The following SCN3A variants were observed in gnomAD, a reference collection of about 807,000 sequenced individuals.
SCN3A encodes sodium channel protein type 3 subunit alpha.
Under a neutral mutation model 187.6 loss-of-function variants are expected in SCN3A, and 60 were observed. The observed-to-expected ratio is 0.32, with a 90% CI of 0.26 to 0.40. SCN3A has a LOEUF of 0.40. Ranked by LOEUF, SCN3A falls within the 10% of genes least tolerant of loss-of-function variation. The probability of loss-of-function intolerance (pLI) is 1.00; values close to 1 mark genes in which losing one functional copy is unlikely to be tolerated. For missense variants in SCN3A, 1,601 were observed against 2,428.2 expected, an observed-to-expected ratio of 0.66 and a Z score of 7.16; for synonymous variants, 788 against 829.2, an observed-to-expected ratio of 0.95 and a Z score of 0.85.
At chr2:165,200,264 A>G (rs562796981) in intron 1 of SCN3A, among the ~76,000 whole-genome samples, 147 of 152,202 alleles carry the variant, frequency 9.7e-4, no homozygotes, top group African/African-American at 3.5e-3. Flanking sequence ...TGGTAAAACA[A>G]CCATTAATAT....
At chr2:165,192,019 G>T (rs116296400) in intron 1 of SCN3A, among the ~76,000 whole-genome samples, 3,201 of 151,700 alleles carry the variant, frequency 0.021, 116 homozygotes, top group African/African-American at 0.073. Context: ...TAATAGCAAT[G>T]TCTAGAAAAA....
At chr2:165,198,244 A>G (rs16850234) in intron 1 of SCN3A, among the ~76,000 whole-genome samples, 7,703 of 152,074 alleles carry the variant, frequency 0.051, 603 homozygotes, top group African/African-American at 0.17. Flanking sequence ...TATTGGGAAG[A>G]AAACTAGAAA....
rs1456975222 is a variant in SCN3A, at chr2:165,141,067, T to G, written c.1672-69A>C. On this transcript the variant is annotated intron_variant, in intron 12 of 27. Coordinates refer to ENST00000283254, the MANE Select transcript of SCN3A (RefSeq NM_006922.4). ...GAAGAACGCAATTATTTAATAAATA[T>G]TAATATTAAAGGATCTGTTTTCTTT... 6 of 973,782 alleles carry G rather than the reference T, an allele frequency of 6.2e-6. No homozygotes were observed. The African/African-American group carries it at 6.6e-5, about 11-fold the overall frequency. 60.3% of individuals were successfully genotyped at this position (973,782 alleles called of 1,614,324 possible).
chr2:165,179,805 T>G (rs889586903), intron 2 of SCN3A: 4 of 152,206 alleles, frequency 2.6e-5, no homozygotes, highest in Non-Finnish European at 5.9e-5. Context: ...AAATCCCTCA[T>G]AGTTCTTTCG....
chr2:165,168,858 G>A (rs200965222), intron 4 of SCN3A, 33 bp from the exon 5 acceptor site: 21 of 1,433,020 alleles, frequency 1.5e-5, no homozygotes, highest in Non-Finnish European at 2.0e-5. Context: ...ATGTTAGTAG[G>A]TTACCATGGC....
intron 10 of SCN3A, 61 bp from the exon 11 acceptor site, chr2:165,154,719 T>C: frequency 6.8e-7 from 1 of 1,462,282 alleles, no homozygotes; most frequent in Non-Finnish European, 9.6e-7. Flanking sequence ...AATAAATATC[T>C]GATTACCACA....
chr2:165,147,291 G>A (rs925440984), intron 11 of SCN3A, among the ~76,000 whole-genome samples: 1 of 138,306 alleles, frequency 7.2e-6, no homozygotes, highest in Non-Finnish European at 1.6e-5. Flanking sequence ...TTTGGGGGGG[G>A]GGGGTTGGTG....
intron 13 of SCN3A, 171 bp from the exon 14 acceptor site, chr2:165,139,779 GTTATCACAGGTAGTACTCTTTAAGAGGAA>G: frequency 1.4e-6 from 1 of 705,480 alleles, no homozygotes; most frequent in Non-Finnish European, 2.3e-6. Context: ...TTAAAAAAAA[GTTATCACAGGTAGTACTCTTTAAGAGGAA>G]TTCACCAGTG....
chr2:165,160,432 T>TG (rs1414604986), intron 9 of SCN3A, among the ~76,000 whole-genome samples: 1 of 152,148 alleles, frequency 6.6e-6, no homozygotes, highest in African/African-American at 2.4e-5. Context: ...CCAAAAAGGC[T>TG]GGGGACTGTT....
intron 2 of SCN3A, among the ~76,000 whole-genome samples, chr2:165,185,895 TATA>T (rs1406828382): frequency 3.6e-4 from 54 of 152,080 alleles, no homozygotes; most frequent in South Asian, 8.3e-4. Flanking sequence ...ACCAAATAAA[TATA>T]ATAAAATTTA....
chr2:165,095,488 G>T, intron 25 of SCN3A, 23 bp downstream of exon 25: 1 of 1,608,354 alleles, frequency 6.2e-7, no homozygotes, highest in South Asian at 1.1e-5. Context: ...AATGAAGAAA[G>T]GTAAAAGCTA....
At chr2:165,110,271 G>A (rs1361286260) in intron 21 of SCN3A, among the ~76,000 whole-genome samples, 2 of 152,072 alleles carry the variant, frequency 1.3e-5, no homozygotes, top group African/African-American at 4.8e-5. Context: ...GTCTTGAATG[G>A]CATATGATCC....
At chr2:165,139,449 T>G (rs775674874) in intron 14 of SCN3A, 27 bp downstream of exon 14, 2 of 1,613,604 alleles carry the variant, frequency 1.2e-6, no homozygotes, top group Non-Finnish European at 1.7e-6. Flanking sequence ...TCACAGAAAG[T>G]TGGCTGTTCC....
At chr2:165,143,816 A>C (rs1688159703) in intron 12 of SCN3A, among the ~76,000 whole-genome samples, 1 of 152,184 alleles carries the variant, frequency 6.6e-6, no homozygotes, top group African/African-American at 2.4e-5. Flanking sequence ...TATAAGACAC[A>C]GTCATGCATG....
chr2:165,125,568 C>T (rs375155642), intron 18 of SCN3A, among the ~76,000 whole-genome samples: 1 of 152,144 alleles, frequency 6.6e-6, no homozygotes, highest in Admixed American at 6.5e-5. Flanking sequence ...CCACTCGCCT[C>T]GGCCTCCCAA....
At chr2:165,197,614 T>G (rs1344413924) in intron 1 of SCN3A, among the ~76,000 whole-genome samples, 44 of 151,630 alleles carry the variant, frequency 2.9e-4, no homozygotes, top group Admixed American at 2.9e-3. Flanking sequence ...GACATTTTTA[T>G]TGGTGAGGTC....
intron 21 of SCN3A, among the ~76,000 whole-genome samples, chr2:165,103,784 A>G (rs1262743225): frequency 6.6e-6 from 1 of 152,208 alleles, no homozygotes. Context: ...TTAAAGTTCA[A>G]CATGAACAAA....
chr2:165,180,194 C>A (rs17241540), intron 2 of SCN3A, among the ~76,000 whole-genome samples: 2 of 151,944 alleles, frequency 1.3e-5, no homozygotes, highest in Non-Finnish European at 2.9e-5. Context: ...GAATAAACTG[C>A]GGAACTCCAA....
chr2:165,114,176 G>T (rs904146412), intron 19 of SCN3A, among the ~76,000 whole-genome samples: 6 of 151,948 alleles, frequency 3.9e-5, no homozygotes, highest in African/African-American at 1.5e-4. Flanking sequence ...AGAATTCAAG[G>T]AAATATTTTA....
Sources: allele counts gnomAD v4.1 joint callset (sites outside exome capture counted in the v4.1 genomes callset), GRCh38; gene constraint gnomAD v4.1.1; transcripts MANE v1.5; gene names NCBI Gene and HGNC (gene_info 2026-07-23, HGNC 2026-07-21).